The following PDE4B variants were observed in gnomAD, a reference collection of about 807,000 sequenced individuals.
PDE4B encodes phosphodiesterase 4B.
A neutral mutation model predicts 82.2 loss-of-function variants in PDE4B; 20 were observed. The ratio of observed to expected loss-of-function variants is 0.24; its 90% CI spans 0.17 to 0.35. The LOEUF (loss-of-function observed/expected upper bound fraction) is 0.35, where lower values mean the gene tolerates loss of function less well. Among genes scored for constraint, PDE4B ranks in the 10% least tolerant of loss-of-function variants. The pLI, the probability that PDE4B is intolerant of heterozygous loss-of-function variation, is 1.00. For missense variants in PDE4B, 655 were observed against 907.2 expected (o/e 0.72, Z 3.57); for synonymous variants, 320 against 318.9 (o/e 1.00, Z -0.04).
intron 3 of PDE4B, among the ~76,000 whole-genome samples, chr1:66,225,982 C>T (rs1017475676): frequency 6.6e-6 from 1 of 152,178 alleles, no homozygotes; most frequent in African/African-American, 2.4e-5. Flanking sequence ...TATGTGCATA[C>T]TGAAATTCAT....
intron 1 of PDE4B, among the ~76,000 whole-genome samples, chr1:65,872,412 A>G (rs1399124969): frequency 6.6e-6 from 1 of 152,192 alleles, no homozygotes; most frequent in Non-Finnish European, 1.5e-5. Flanking sequence ...GGTAGGGTCC[A>G]TGTTTCAGTT....
At chr1:66,169,066 A>C (rs986584537) in intron 3 of PDE4B, among the ~76,000 whole-genome samples, 1 of 152,252 alleles carries the variant, frequency 6.6e-6, no homozygotes, top group Non-Finnish European at 1.5e-5. Flanking sequence ...GACCATTCAA[A>C]CATGCCTTCT....
intron 3 of PDE4B, among the ~76,000 whole-genome samples, chr1:66,101,951 T>A (rs1416598102): frequency 1.3e-5 from 2 of 152,108 alleles, no homozygotes; most frequent in African/African-American, 4.8e-5. Flanking sequence ...TCTTCTAGAG[T>A]TTTTATGCTT....
chr1:66,286,189 T>G (rs1391200310), intron 7 of PDE4B, among the ~76,000 whole-genome samples: 1 of 152,190 alleles, frequency 6.6e-6, no homozygotes, highest in Non-Finnish European at 1.5e-5. Flanking sequence ...TTTCCTTTCT[T>G]TGTAAAATTG....
chr1:65,893,960 TA>T (rs981025818), intron 1 of PDE4B, among the ~76,000 whole-genome samples: 3 of 151,976 alleles, frequency 2.0e-5, no homozygotes, highest in Non-Finnish European at 4.4e-5. Context: ...CACAAAGGCA[TA>T]AGAGTGATAT....
chr1:66,116,052 A>G (rs1645587640), intron 3 of PDE4B, among the ~76,000 whole-genome samples: 1 of 152,224 alleles, frequency 6.6e-6, no homozygotes, highest in Non-Finnish European at 1.5e-5. Context: ...ATGCTTATCC[A>G]ATGTGTGGAA....
chr1:65,948,657 C>T (rs1389599676), intron 3 of PDE4B, among the ~76,000 whole-genome samples: 1 of 152,016 alleles, frequency 6.6e-6, no homozygotes, highest in Non-Finnish European at 1.5e-5. Context: ...AGGGTCAATA[C>T]TTTGTATCCT....
At chr1:65,981,260 G>A (rs893178646) in intron 3 of PDE4B, among the ~76,000 whole-genome samples, 3 of 152,154 alleles carry the variant, frequency 2.0e-5, no homozygotes, top group Non-Finnish European at 2.9e-5. Context: ...TAAATTTTGA[G>A]TTGCAAATGA....
intron 3 of PDE4B, among the ~76,000 whole-genome samples, chr1:65,921,411 A>G (rs1372822240): frequency 6.6e-6 from 1 of 152,138 alleles, no homozygotes; most frequent in Non-Finnish European, 1.5e-5. Context: ...ATTATCATCA[A>G]TGCCATCAAC....
At chr1:66,049,122 G>T (rs1654879425) in intron 3 of PDE4B, among the ~76,000 whole-genome samples, 1 of 151,958 alleles carries the variant, frequency 6.6e-6, no homozygotes, top group Admixed American at 6.6e-5. Flanking sequence ...CGTAAGTGTA[G>T]AATAAGGAGA....
chr1:66,374,170 G>A lies in PDE4B; in HGVS notation c.*1492G>A, dbSNP rs186230480. 4 of 152,638 alleles carry A rather than the reference G, an allele frequency of 2.6e-5. No individual in the cohort carries two copies. The highest frequency in any genetic ancestry group is 3.9e-4 in the East Asian group (2 of 5,184). 9.5% of individuals were successfully genotyped at this position (152,638 alleles called of 1,614,324 possible). The stretch of plus-strand genomic sequence containing the variant: ...CTCCCGAACTACTGACTTTGAAGAG[G>A]TAGCCTCCTGCCTGCCATTAAGCAG... On this transcript the variant is annotated 3_prime_UTR_variant, in exon 17 of 17. Coordinates refer to ENST00000341517, the MANE Select transcript of PDE4B (RefSeq NM_002600.4).
chr1:65,912,754 C>CT (rs370363054), intron 1 of PDE4B, among the ~76,000 whole-genome samples: 13 of 151,152 alleles, frequency 8.6e-5, no homozygotes, highest in East Asian at 3.9e-4. Context: ...CTTTTCTTCA[C>CT]TTTTTTTTTG....
intron 3 of PDE4B, among the ~76,000 whole-genome samples, chr1:66,146,669 T>C (rs1329529323): frequency 6.6e-6 from 1 of 152,160 alleles, no homozygotes; most frequent in African/African-American, 2.4e-5. Flanking sequence ...ATATAGATAT[T>C]TGAAATGTGT....
intron 15 of PDE4B, 51 bp downstream of exon 15, chr1:66,368,116 G>C: frequency 6.3e-7 from 1 of 1,580,778 alleles, no homozygotes; most frequent in Non-Finnish European, 8.6e-7. Context: ...AAACTAAGCT[G>C]AACAACAATT....
intron 1 of PDE4B, among the ~76,000 whole-genome samples, chr1:65,880,593 C>T (rs1463915054): frequency 2.0e-5 from 3 of 152,178 alleles, no homozygotes; most frequent in Admixed American, 6.5e-5. Context: ...AGGGACCCCT[C>T]GCCCCTTCTG....
At chr1:66,007,396 A>T (rs907062413) in intron 3 of PDE4B, among the ~76,000 whole-genome samples, 2 of 152,146 alleles carry the variant, frequency 1.3e-5, no homozygotes, top group African/African-American at 4.8e-5. Flanking sequence ...GTGAGCCGAG[A>T]TCATGCCACT....
chr1:66,010,996 T>C (rs1652454003), intron 3 of PDE4B, among the ~76,000 whole-genome samples: 1 of 151,590 alleles, frequency 6.6e-6, no homozygotes, highest in Non-Finnish European at 1.5e-5. Context: ...AGAAGTAACC[T>C]ATGAAAGTAA....
intron 3 of PDE4B, among the ~76,000 whole-genome samples, chr1:66,164,582 A>G (rs1357527247): frequency 1.6e-4 from 24 of 149,328 alleles, no homozygotes; most frequent in African/African-American, 5.8e-4. Context: ...AAAGAAAAAG[A>G]AAGAAAGAAA....
chr1:66,158,928 A>G (rs1469800456), intron 3 of PDE4B, among the ~76,000 whole-genome samples: 1 of 152,240 alleles, frequency 6.6e-6, no homozygotes, highest in Non-Finnish European at 1.5e-5. Context: ...AGTGGTTACC[A>G]GATGCTGAGA....
Sources: allele counts gnomAD v4.1 joint callset (sites outside exome capture counted in the v4.1 genomes callset), GRCh38; gene constraint gnomAD v4.1.1; transcripts MANE v1.5; gene names NCBI Gene and HGNC (gene_info 2026-07-23, HGNC 2026-07-21).